Variants in P2RX7 observed in about 807,000 individuals in gnomAD.
P2RX7 encodes P2X purinoceptor 7.
P2RX7 carries 62 observed loss-of-function variants against 71.6 expected under a neutral mutation model. That is an observed-to-expected ratio of 0.87 (90% CI 0.71 to 1.07). The LOEUF is 1.07. Among genes scored for constraint, P2RX7 ranks in the 50% least tolerant of loss-of-function variants. The pLI is 0.00. For missense variants in P2RX7, 686 were observed against 748.5 expected (o/e 0.92, Z 0.97); for synonymous variants, 299 against 283.3 (o/e 1.06, Z -0.56).
At chr12:121,179,632 T>C (rs567957324) in intron 11 of P2RX7, among the ~76,000 whole-genome samples, 1 of 152,290 alleles carries the variant, frequency 6.6e-6, no homozygotes, top group African/African-American at 2.4e-5. Context: ...TAAAAGTTCA[T>C]CTTTGCAGCT....
rs749472278 is a variant in P2RX7, at chr12:121,156,121, G to A, written c.337G>A (p.Gly113Ser). Residue 113 changes from glycine (G) to serine (S), a missense_variant, in exon 3 of 13, where the codon GGC becomes AGC. Gly to Ser is a moderately conservative substitution (Grantham distance 56). Coordinates refer to ENST00000328963, the MANE Select transcript of P2RX7 (RefSeq NM_002562.6). Reference protein sequence around the residue: ...FVMTNFLKTEGQEQRLCPEYP... With the variant: ...FVMTNFLKTESQEQRLCPEYP... ...GATGACAAACTTTCTCAAAACAGAA[G>A]GCCAAGAGCAGCGGTTGTGTCCCGA... The A allele has an allele frequency of 3.1e-6, 5 of 1,614,092 alleles. No homozygotes were observed. The Admixed American group carries it at 5.0e-5, about 16-fold the overall frequency.
intron 3 of P2RX7, among the ~76,000 whole-genome samples, chr12:121,159,607 GA>G (rs1879241516): frequency 6.6e-6 from 1 of 152,094 alleles, no homozygotes; most frequent in Admixed American, 6.6e-5. Flanking sequence ...ACAAAGAGCA[GA>G]GGCCATTTTC....
At chr12:121,135,072 G>A (rs1486082694) in intron 1 of P2RX7, among the ~76,000 whole-genome samples, 1 of 152,114 alleles carries the variant, frequency 6.6e-6, no homozygotes, top group Non-Finnish European at 1.5e-5. Flanking sequence ...TGGGAGTGGT[G>A]GCTCACACCT....
At chr12:121,159,175 T>G (rs1879143045) in intron 3 of P2RX7, among the ~76,000 whole-genome samples, 1 of 152,118 alleles carries the variant, frequency 6.6e-6, no homozygotes, top group Admixed American at 6.6e-5. Flanking sequence ...TCCCAGCACT[T>G]TGGGAGGTCG....
chr12:121,160,856 T>C (rs1879524551), intron 3 of P2RX7, 46 bp from the exon 4 acceptor site: 1 of 1,381,496 alleles, frequency 7.2e-7, no homozygotes, highest in African/African-American at 1.4e-5. Context: ...CACGTCTTAG[T>C]AACACACGTC....
intron 8 of P2RX7, among the ~76,000 whole-genome samples, chr12:121,174,392 T>C (rs542745712): frequency 2.1e-4 from 32 of 152,144 alleles, no homozygotes; most frequent in Non-Finnish European, 3.7e-4. Flanking sequence ...TGGTGCACGC[T>C]TGTAGTCCCA....
rs1310223059 is a variant in P2RX7, at chr12:121,186,729, G to A, written c.*1927G>A. 6.6e-6 allele frequency: 1 copy of A among 152,258 alleles called. No homozygotes were observed. The highest frequency in any genetic ancestry group is 6.6e-5 in the Admixed American group (1 of 15,262). 9.4% of individuals were successfully genotyped at this position (152,258 alleles called of 1,614,324 possible). ...TACTAAGAATACAAAAATTAGGTGG[G>A]TGTGGCGGTGGGCGCCTGTAATCCC... On this transcript the variant is annotated 3_prime_UTR_variant, in exon 13 of 13. Coordinates refer to ENST00000328963, the MANE Select transcript of P2RX7 (RefSeq NM_002562.6).
At chr12:121,147,722 C>T (rs898541278) in intron 1 of P2RX7, among the ~76,000 whole-genome samples, 2 of 152,130 alleles carry the variant, frequency 1.3e-5, no homozygotes, top group Non-Finnish European at 2.9e-5. Flanking sequence ...AGCGATTCTC[C>T]TGCCTCAGCC....
intron 3 of P2RX7, among the ~76,000 whole-genome samples, chr12:121,158,013 G>A (rs1274273147): frequency 1.3e-5 from 2 of 152,122 alleles, no homozygotes; most frequent in Admixed American, 6.5e-5. Flanking sequence ...CCAGCCCAGA[G>A]AGCACATGTG....
In P2RX7 at chr12:121,163,360, A is replaced by G. The variant is rs866926542; in HGVS notation, c.533+840A>G. Among the ~76,000 whole-genome samples the G allele has an allele frequency of 9.4e-4, 136 of 144,354 alleles. 1 individual carries two copies. The South Asian group carries it at 0.017, about 18-fold the overall frequency. The allele number at this position is 144,354 out of a possible 152,430, so 94.7% of individuals were successfully genotyped here. On this transcript the variant is annotated intron_variant, in intron 5 of 12. Transcript: ENST00000328963. The stretch of plus-strand genomic sequence containing the variant: ...CACACACACACACACACACACACGC[A>G]CACACACACACACACACAATCTACC...
chr12:121,158,736 A>C (rs1420134809), intron 3 of P2RX7, among the ~76,000 whole-genome samples: 1 of 152,210 alleles, frequency 6.6e-6, no homozygotes, highest in Non-Finnish European at 1.5e-5. Flanking sequence ...TGTTTTTTAA[A>C]AAAAAAATTA....
Position 121,184,953 on chromosome 12 carries a change from C to T in P2RX7, c.*151C>T. The T allele has an allele frequency of 4.9e-6, 3 of 614,520 alleles. No homozygotes were observed. Among genetic ancestry groups the T allele is most frequent in the Non-Finnish European group, 5.6e-6 (2 of 355,238 alleles). 38.1% of individuals were successfully genotyped at this position (614,520 alleles called of 1,614,324 possible). On this transcript the variant is annotated 3_prime_UTR_variant, in exon 13 of 13. Coordinates refer to ENST00000328963, the MANE Select transcript of P2RX7 (RefSeq NM_002562.6). ...TACAAAAATCAGCCAGACATGGTGG[C>T]ATGCACCTGCAATCCCAGCTACTCG...
chr12:121,142,390 T>G (rs1875104508), intron 1 of P2RX7, among the ~76,000 whole-genome samples: 3 of 152,290 alleles, frequency 2.0e-5, no homozygotes, highest in Middle Eastern at 3.4e-3. Flanking sequence ...CACATGGTCC[T>G]CTCCATCTCC....
intron 8 of P2RX7, among the ~76,000 whole-genome samples, chr12:121,173,547 T>C (rs1718160): frequency 0.39 from 58,970 of 151,946 alleles, 11,891 homozygotes; most frequent in African/African-American, 0.45. Flanking sequence ...TACCAGGCCA[T>C]ACCAGGCCAT....
intron 11 of P2RX7, among the ~76,000 whole-genome samples, chr12:121,177,838 C>T (rs79623919): frequency 0.21 from 32,250 of 151,758 alleles, 3,765 homozygotes; most frequent in Non-Finnish European, 0.26. Flanking sequence ...CCTGCCTCAA[C>T]CTCCCAAGTA....
chr12:121,163,091 C>G (rs947094830), intron 5 of P2RX7, among the ~76,000 whole-genome samples: 2 of 152,088 alleles, frequency 1.3e-5, no homozygotes, highest in African/African-American at 4.8e-5. Flanking sequence ...ATCTCAGAAG[C>G]CACAAGGGCT....
intron 5 of P2RX7, among the ~76,000 whole-genome samples, chr12:121,165,015 C>A (rs1379691641): frequency 6.6e-6 from 1 of 152,118 alleles, no homozygotes; most frequent in Non-Finnish European, 1.5e-5. Context: ...AACTCACTCA[C>A]TATCACAAGA....
chr12:121,162,381 G>A lies in P2RX7; in HGVS notation c.437-43G>A, dbSNP rs369240948. On this transcript the variant is annotated intron_variant, in intron 4 of 12. Coordinates refer to ENST00000328963, the MANE Select transcript of P2RX7 (RefSeq NM_002562.6). The stretch of plus-strand genomic sequence containing the variant: ...CCTCCTGGAGAACGTCCTCTCCGCA[G>A]TTCTTTCACATCTGTGGTTCTACGA... 9.4e-5 allele frequency: 152 copies of A among 1,611,426 alleles called. No individual in the cohort carries two copies. In the African/African-American group the frequency reaches 2.0e-3, roughly 21 times the overall value.
At chr12:121,180,530 G>C in intron 12 of P2RX7, 75 bp downstream of exon 12, 1 of 683,650 alleles carries the variant, frequency 1.5e-6, no homozygotes, top group Non-Finnish European at 2.4e-6. Flanking sequence ...CTAGAAACTT[G>C]TACAAATCAA....
Sources: allele counts gnomAD v4.1 joint callset (sites outside exome capture counted in the v4.1 genomes callset), GRCh38; gene constraint gnomAD v4.1.1; transcripts MANE v1.5; gene names NCBI Gene and HGNC (gene_info 2026-07-23, HGNC 2026-07-21).